Variants in WDPCP observed in about 807,000 individuals in gnomAD.
WDPCP encodes the protein WD repeat containing planar cell polarity effector.
WDPCP carries 71 observed loss-of-function variants against 93.1 expected under a neutral mutation model. That is an observed-to-expected ratio of 0.76 (90% confidence interval 0.63 to 0.93). The LOEUF is 0.93. Ranked by LOEUF, WDPCP falls within the 40% of genes least tolerant of loss-of-function variation. The probability of loss-of-function intolerance (pLI) is 0.00; values close to 1 mark genes in which losing one functional copy is unlikely to be tolerated. For missense variants in WDPCP, 844 were observed against 887.4 expected, an observed-to-expected ratio of 0.95 and a Z score of 0.62; for synonymous variants, 315 against 315.0, an observed-to-expected ratio of 1.00 and a Z score of 0.00.
At chr2:63,193,125 A>G (rs2104246965) in intron 14 of WDPCP, among the ~76,000 whole-genome samples, 1 of 152,358 alleles carries the variant, frequency 6.6e-6, no homozygotes, top group East Asian at 1.9e-4. Flanking sequence ...ATTATACTAC[A>G]AAGCCTTTTA....
chr2:63,569,053 A>G (rs1366561733), intron 1 of WDPCP, among the ~76,000 whole-genome samples: 1 of 152,262 alleles, frequency 6.6e-6, no homozygotes. Context: ...TGTTAGAAAT[A>G]GTTAAAAACT....
intron 14 of WDPCP, among the ~76,000 whole-genome samples, chr2:63,224,772 GA>G (rs1678144013): frequency 6.6e-6 from 1 of 151,910 alleles, no homozygotes; most frequent in Non-Finnish European, 1.5e-5. Flanking sequence ...GGATTCTAAG[GA>G]CAGTGAAACT....
Position 63,174,749 on chromosome 2 carries a change from A to G in WDPCP, c.1999T>C (p.Phe667Leu), listed in dbSNP as rs1673673518. 6.2e-7 allele frequency: 1 copy of G among 1,613,906 alleles called. No homozygotes were observed. The highest frequency in any genetic ancestry group is 8.5e-7 in the Non-Finnish European group (1 of 1,179,950). ...LSLAPQGEDS[F>L]PDNLPPSCPT... ...CAAGAGGGAGGGAGGTTATCTGGAAATGAGTCTTCTCCTTGAGGTGCTAAA... is the reference window on the plus strand; with the variant it reads ...CAAGAGGGAGGGAGGTTATCTGGAAGTGAGTCTTCTCCTTGAGGTGCTAAA... Residue 667 changes from phenylalanine to leucine, a missense_variant, in exon 15 of 18, where the codon TTT becomes CTT. Transcript: ENST00000272321.
At chr2:63,416,587 A>C (rs1695446326) in intron 9 of WDPCP, among the ~76,000 whole-genome samples, 1 of 121,014 alleles carries the variant, frequency 8.3e-6, no homozygotes, top group African/African-American at 3.0e-5. Context: ...GCAATGGCAC[A>C]ATCTCAGCTC....
intron 15 of WDPCP, among the ~76,000 whole-genome samples, chr2:63,171,340 A>T (rs991251436): frequency 1.3e-5 from 2 of 152,224 alleles, no homozygotes; most frequent in African/African-American, 4.8e-5. Flanking sequence ...ACATAGAAGT[A>T]TCTTACAATT....
intron 2 of WDPCP, among the ~76,000 whole-genome samples, chr2:63,722,685 A>T: frequency 8.3e-6 from 1 of 121,060 alleles, no homozygotes. Flanking sequence ...CCGCCCGGCC[A>T]GCCGCCCCGT....
intron 2 of WDPCP, among the ~76,000 whole-genome samples, chr2:63,731,046 G>A (rs866187811): frequency 5.3e-5 from 8 of 152,164 alleles, no homozygotes; most frequent in South Asian, 4.2e-4. Flanking sequence ...CGAGGCGGGC[G>A]GATCACGAGG....
At chr2:63,560,353 G>C (rs913767642) in intron 1 of WDPCP, among the ~76,000 whole-genome samples, 12 of 152,114 alleles carry the variant, frequency 7.9e-5, no homozygotes, top group African/African-American at 2.7e-4. Flanking sequence ...ATACTACAAG[G>C]CTACAGTAAC....
At chr2:63,606,205 G>C (rs1400518063) in intron 3 of WDPCP, among the ~76,000 whole-genome samples, 1 of 152,110 alleles carries the variant, frequency 6.6e-6, no homozygotes, top group Non-Finnish European at 1.5e-5. Context: ...AACATAGTGA[G>C]ACCCCCTCTC....
chr2:63,749,802 G>C (rs1669853162), intron 2 of WDPCP, among the ~76,000 whole-genome samples: 1 of 152,000 alleles, frequency 6.6e-6, no homozygotes, highest in Non-Finnish European at 1.5e-5. Context: ...AGAATTTTTT[G>C]TTGTTTTCTT....
chr2:63,360,703 G>C (rs1690381199), intron 12 of WDPCP, among the ~76,000 whole-genome samples: 1 of 152,176 alleles, frequency 6.6e-6, no homozygotes, highest in African/African-American at 2.4e-5. Flanking sequence ...TAAAAACGTA[G>C]ATAACATCCC....
At chr2:63,240,324 C>T (rs774724186) in intron 14 of WDPCP, among the ~76,000 whole-genome samples, 2 of 151,966 alleles carry the variant, frequency 1.3e-5, no homozygotes, top group Non-Finnish European at 2.9e-5. Flanking sequence ...GCTGCAGGTG[C>T]GTGCCACCAC....
chr2:63,454,754 C>G (rs1698508977), intron 6 of WDPCP, among the ~76,000 whole-genome samples: 2 of 152,032 alleles, frequency 1.3e-5, no homozygotes, highest in Admixed American at 1.3e-4. Context: ...TTCTCCACAG[C>G]ACATTATAAG....
intron 15 of WDPCP, among the ~76,000 whole-genome samples, chr2:63,165,645 A>G (rs1672910440): frequency 6.7e-6 from 1 of 149,894 alleles, no homozygotes; most frequent in African/African-American, 2.5e-5. Flanking sequence ...TGTGCTTCAG[A>G]TTTCTAAATT....
chr2:63,695,211 A>G (rs1174256489), intron 2 of WDPCP, among the ~76,000 whole-genome samples: 2 of 152,204 alleles, frequency 1.3e-5, no homozygotes. Context: ...CAAAAAATTA[A>G]AACATTTATT....
chr2:63,772,544 G>A (rs147860425), intron 2 of WDPCP, among the ~76,000 whole-genome samples: 2 of 151,958 alleles, frequency 1.3e-5, no homozygotes, highest in Admixed American at 1.3e-4. Flanking sequence ...CTAAACAAAA[G>A]ATTAGCAAAC....
chr2:63,509,231 G>C (rs1043091364), intron 1 of WDPCP, among the ~76,000 whole-genome samples: 2 of 152,090 alleles, frequency 1.3e-5, no homozygotes, highest in East Asian at 1.9e-4. Context: ...AAAACAAACA[G>C]TTTATCAGAC....
At chr2:63,644,193 G>A (rs538607453) in intron 3 of WDPCP, among the ~76,000 whole-genome samples, 1 of 151,422 alleles carries the variant, frequency 6.6e-6, no homozygotes, top group African/African-American at 2.4e-5. Context: ...TTGGTATCAC[G>A]GTAATACTGG....
chr2:63,152,802 T>C (rs987240480), intron 17 of WDPCP, 112 bp downstream of exon 17: 1 of 967,408 alleles, frequency 1.0e-6, no homozygotes, highest in African/African-American at 1.6e-5. Context: ...GTTAATGTAG[T>C]CCAGTTAATG....
Sources: allele counts gnomAD v4.1 joint callset (sites outside exome capture counted in the v4.1 genomes callset), GRCh38; gene constraint gnomAD v4.1.1; transcripts MANE v1.5; gene names NCBI Gene and HGNC (gene_info 2026-07-23, HGNC 2026-07-21).